MS4A5: variants seen among roughly 807,000 people sequenced by gnomAD.
MS4A5 encodes the protein membrane spanning 4-domains A5.
MS4A5 carries 15 observed loss-of-function variants against 18.2 expected under a neutral mutation model. That is an observed-to-expected ratio of 0.83 (90% confidence interval 0.55 to 1.27). MS4A5 has a LOEUF of 1.27. Among genes scored for constraint, MS4A5 ranks in the 50% most tolerant of loss-of-function variants. The pLI, the probability that MS4A5 is intolerant of heterozygous loss-of-function variation, is 0.00. For synonymous variants in MS4A5, 89 were observed against 78.7 expected (o/e 1.13, Z -0.69); for missense variants, 232 against 225.7 (o/e 1.03, Z -0.18).
chr11:60,432,377 T>C (rs369566123), intron 2 of MS4A5, 34 bp from the exon 3 acceptor site: 1 of 1,408,674 alleles, frequency 7.1e-7, no homozygotes, highest in Non-Finnish European at 9.9e-7. Flanking sequence ...CAGCTAAACA[T>C]GGTCATCATT....
chr11:60,440,047 A>G (rs1230905628), intron 4 of MS4A5, among the ~76,000 whole-genome samples: 2 of 144,488 alleles, frequency 1.4e-5, no homozygotes, highest in Non-Finnish European at 3.1e-5. Context: ...TACAGTCACC[A>G]AAACAGCATG....
intron 2 of MS4A5, among the ~76,000 whole-genome samples, chr11:60,431,949 T>C (rs1590830321): frequency 6.8e-6 from 1 of 147,260 alleles, no homozygotes; most frequent in African/African-American, 2.6e-5. Flanking sequence ...CTACCACGTG[T>C]GACCCACTTC....
chr11:60,442,329 T>C (rs1372006655), intron 4 of MS4A5, among the ~76,000 whole-genome samples: 2 of 152,232 alleles, frequency 1.3e-5, no homozygotes, highest in Non-Finnish European at 2.9e-5. Flanking sequence ...ACACTTAACA[T>C]TCACTATCTT....
intron 4 of MS4A5, among the ~76,000 whole-genome samples, chr11:60,446,828 A>G (rs1170366507): frequency 6.6e-6 from 1 of 151,412 alleles, no homozygotes; most frequent in Non-Finnish European, 1.5e-5. Flanking sequence ...TACTAAGCCA[A>G]TAGTTTTCTT....
intron 4 of MS4A5, among the ~76,000 whole-genome samples, chr11:60,436,173 C>T (rs113317160): frequency 0.035 from 5,322 of 151,800 alleles, 123 homozygotes; most frequent in Non-Finnish European, 0.055. Context: ...ACACTGACAC[C>T]TCACACGGCA....
intron 4 of MS4A5, among the ~76,000 whole-genome samples, chr11:60,434,188 A>T (rs2086066572): frequency 6.6e-6 from 1 of 152,182 alleles, no homozygotes; most frequent in Non-Finnish European, 1.5e-5. Context: ...AAATCTAAAA[A>T]AAAAAGGTAC....
intron 1 of MS4A5, 52 bp from the exon 2 acceptor site, chr11:60,430,744 G>C: frequency 1.3e-6 from 2 of 1,595,296 alleles, no homozygotes; most frequent in Non-Finnish European, 1.7e-6. Flanking sequence ...CTAAACAGAA[G>C]GGAAACTATC....
intron 1 of MS4A5, 71 bp downstream of exon 1, chr11:60,429,898 C>T: frequency 6.9e-7 from 1 of 1,448,448 alleles, no homozygotes; most frequent in South Asian, 1.3e-5. Flanking sequence ...TCTGTTGGCA[C>T]ATGTTTGAAG....
At chr11:60,437,662 A>G (rs977200114) in intron 4 of MS4A5, among the ~76,000 whole-genome samples, 3 of 150,570 alleles carry the variant, frequency 2.0e-5, no homozygotes, top group Admixed American at 6.7e-5. Flanking sequence ...AACAAAGATC[A>G]AAAGAGACAA....
intron 4 of MS4A5, chr11:60,435,573 T>C (rs1296816179): frequency 6.1e-6 from 2 of 329,760 alleles, no homozygotes; most frequent in East Asian, 1.8e-4. Context: ...AGTGGGTGCG[T>C]GCACCCTGCG....
At chr11:60,431,032 T>G in intron 2 of MS4A5, 108 bp downstream of exon 2, 1 of 1,204,918 alleles carries the variant, frequency 8.3e-7, no homozygotes, top group East Asian at 2.4e-5. Context: ...CTTTCAAAAG[T>G]GCAAAAAACT....
chr11:60,437,613 G>A (rs945690550), intron 4 of MS4A5, among the ~76,000 whole-genome samples: 1 of 150,912 alleles, frequency 6.6e-6, no homozygotes, highest in Admixed American at 6.6e-5. Context: ...AAAAGGCAGG[G>A]GTTGCAATCC....
chr11:60,441,468 G>GAA (rs141966098), intron 4 of MS4A5, among the ~76,000 whole-genome samples: 19 of 103,516 alleles, frequency 1.8e-4, no homozygotes, highest in African/African-American at 4.8e-4. Context: ...AAAAAAAAAA[G>GAA]AAAAAAAAAG....
At chr11:60,445,558 C>A (rs2086134474) in intron 4 of MS4A5, among the ~76,000 whole-genome samples, 1 of 151,934 alleles carries the variant, frequency 6.6e-6, no homozygotes, top group Non-Finnish European at 1.5e-5. Context: ...GCGCAACCAG[C>A]CAAAATACAC....
At chr11:60,430,975 A>G (rs762939761) in intron 2 of MS4A5, 51 bp downstream of exon 2, 1 of 1,575,248 alleles carries the variant, frequency 6.3e-7, no homozygotes, top group South Asian at 1.2e-5. Flanking sequence ...CCAGGATGTT[A>G]GGGAATTCTT....
Sources: allele counts gnomAD v4.1 joint callset (sites outside exome capture counted in the v4.1 genomes callset), GRCh38; gene constraint gnomAD v4.1.1; transcripts MANE v1.5; gene names NCBI Gene and HGNC (gene_info 2026-07-23, HGNC 2026-07-21).